Variants in LARGE1 observed in about 807,000 individuals in gnomAD.
The protein encoded by LARGE1 is LARGE xylosyl- and glucuronyltransferase 1.
Under a neutral mutation model 87.6 loss-of-function variants are expected in LARGE1, and 43 were observed. The observed-to-expected ratio is 0.49, with a 90% CI of 0.38 to 0.63. The LOEUF is 0.63. LARGE1 is among the 30% of genes least tolerant of loss of function. LARGE1 has a pLI of 0.00. For missense variants in LARGE1, 802 were observed against 1,000.2 expected (o/e 0.80, Z 2.67); for synonymous variants, 434 against 394.6 (o/e 1.10, Z -1.18).
chr22:33,335,592 T>C (rs1217456056), intron 10 of LARGE1, among the ~76,000 whole-genome samples: 2 of 152,080 alleles, frequency 1.3e-5, no homozygotes, highest in African/African-American at 2.4e-5. Context: ...CAACAATAAA[T>C]CAAAATTCTG....
At chr22:33,892,208 C>T (rs968151623) in intron 1 of LARGE1, among the ~76,000 whole-genome samples, 9 of 152,124 alleles carry the variant, frequency 5.9e-5, no homozygotes, top group Non-Finnish European at 1.2e-4. Flanking sequence ...AGGCAACGAT[C>T]ACTTATTTCT....
At chr22:33,366,063 T>C (rs939079322) in intron 9 of LARGE1, among the ~76,000 whole-genome samples, 1 of 152,260 alleles carries the variant, frequency 6.6e-6, no homozygotes, top group African/African-American at 2.4e-5. Flanking sequence ...GTTTCCCTTT[T>C]CATTTAAAAA....
At chr22:33,825,787 T>C (rs2062764740) in intron 1 of LARGE1, among the ~76,000 whole-genome samples, 1 of 152,098 alleles carries the variant, frequency 6.6e-6, no homozygotes, top group Non-Finnish European at 1.5e-5. Context: ...CCACTGTGGC[T>C]TTTTCCCACT....
Position 33,337,590 on chromosome 22 carries a change from T to C in LARGE1, c.1287+56A>G, listed in dbSNP as rs112252346. Reference sequence around the variant, plus strand: ...ATAGAGCCTGGCATGGGGGAGGTCCTTGATGGATGAGCAGAGAAGCCGCCC... The same window carrying C: ...ATAGAGCCTGGCATGGGGGAGGTCCCTGATGGATGAGCAGAGAAGCCGCCC... On this transcript the variant is annotated intron_variant, in intron 10 of 14. Coordinates refer to ENST00000397394, the MANE Select transcript of LARGE1 (RefSeq NM_133642.5). 2,271 of 1,606,596 alleles carry C rather than the reference T, an allele frequency of 1.4e-3. 21 individuals are homozygous for C. In the African/African-American group the frequency reaches 0.022, roughly 16 times the overall value.
the LARGE1 span, among the ~76,000 whole-genome samples, chr22:33,067,530 A>T: frequency 1.3e-5 from 2 of 152,156 alleles, no homozygotes; most frequent in African/African-American, 4.8e-5. Context: ...ACACTTTAAG[A>T]TAGATATTAA....
chr22:33,680,167 C>T (rs1284773100), intron 2 of LARGE1, among the ~76,000 whole-genome samples: 2 of 152,104 alleles, frequency 1.3e-5, no homozygotes, highest in East Asian at 3.9e-4. Context: ...AGTCTGTGAA[C>T]ACTGATGAAG....
intron 11 of LARGE1, among the ~76,000 whole-genome samples, chr22:33,225,604 CAGGTT>C (rs1468022184): frequency 2.0e-5 from 3 of 151,654 alleles, no homozygotes; most frequent in Non-Finnish European, 4.4e-5. Flanking sequence ...GGTACATGTG[CAGGTT>C]TGTTATACAG....
intron 11 of LARGE1, among the ~76,000 whole-genome samples, chr22:33,249,261 T>C (rs1926907699): frequency 6.6e-6 from 1 of 152,226 alleles, no homozygotes; most frequent in South Asian, 2.1e-4. Context: ...GGCATATCAT[T>C]GTTGTTTTAA....
rs543173381 is a variant in LARGE1 at position 33,486,127 on chromosome 22, G to A, written c.788-53862C>T. 3.9e-5 allele frequency among the ~76,000 whole-genome samples: 6 copies of A among 152,340 alleles called. No homozygotes were observed. The East Asian group carries it at 7.7e-4, about 20-fold the overall frequency. Reference sequence around the variant, plus strand: ...AAAGATATTCTGAGACTTGGCTCTCGTGTCAGCTCTGCTGCTAACTCTCTG... The same window carrying A: ...AAAGATATTCTGAGACTTGGCTCTCATGTCAGCTCTGCTGCTAACTCTCTG... On this transcript the variant is annotated intron_variant, in intron 6 of 14. Coordinates refer to ENST00000397394, the MANE Select transcript of LARGE1 (RefSeq NM_133642.5).
At chr22:33,721,974 G>T (rs1326380162) in intron 2 of LARGE1, among the ~76,000 whole-genome samples, 3 of 152,196 alleles carry the variant, frequency 2.0e-5, no homozygotes, top group Admixed American at 2.0e-4. Flanking sequence ...TTTGTTGGCT[G>T]AGCGCAGTGG....
intron 5 of LARGE1, among the ~76,000 whole-genome samples, chr22:33,576,015 T>C (rs1308602581): frequency 6.6e-6 from 1 of 152,206 alleles, no homozygotes; most frequent in East Asian, 1.9e-4. Context: ...ACTGTTACAG[T>C]GGCTTAATTT....
intron 6 of LARGE1, among the ~76,000 whole-genome samples, chr22:33,459,445 T>C (rs912378109): frequency 5.2e-4 from 76 of 146,462 alleles, no homozygotes; most frequent in African/African-American, 1.4e-3. Context: ...CTCTCTCTTT[T>C]TTTTTTTTTT....
At chr22:33,688,028 G>A (rs1021110198) in intron 2 of LARGE1, among the ~76,000 whole-genome samples, 1 of 152,122 alleles carries the variant, frequency 6.6e-6, no homozygotes, top group Non-Finnish European at 1.5e-5. Context: ...GCTCAAAGAG[G>A]TGATGAAACT....
At chr22:33,561,479 G>A (rs2077859098) in intron 6 of LARGE1, among the ~76,000 whole-genome samples, 1 of 152,204 alleles carries the variant, frequency 6.6e-6, no homozygotes, top group Admixed American at 6.5e-5. Context: ...CTCGTGAGAA[G>A]CATACCATAC....
chr22:33,425,982 G>A (rs1321838964), intron 7 of LARGE1, among the ~76,000 whole-genome samples: 1 of 152,082 alleles, frequency 6.6e-6, no homozygotes, highest in Non-Finnish European at 1.5e-5. Flanking sequence ...TCCTGACCTT[G>A]TGATCCACCC....
chr22:33,451,827 G>T (rs1389196843), intron 6 of LARGE1, among the ~76,000 whole-genome samples: 1 of 152,086 alleles, frequency 6.6e-6, no homozygotes, highest in East Asian at 1.9e-4. Flanking sequence ...AAAGTGTTGG[G>T]ATTACAGGCG....
the LARGE1 span, among the ~76,000 whole-genome samples, chr22:33,103,944 G>A: frequency 9.2e-5 from 14 of 152,188 alleles, no homozygotes; most frequent in African/African-American, 3.4e-4. Flanking sequence ...CTGCCACCAT[G>A]TAAGAAGTGC....
At chr22:33,345,513 G>A (rs1939645901) in intron 9 of LARGE1, among the ~76,000 whole-genome samples, 1 of 152,216 alleles carries the variant, frequency 6.6e-6, no homozygotes, top group Admixed American at 6.5e-5. Flanking sequence ...GAGAGAGGGA[G>A]GCATGGAAGT....
At chr22:33,441,063 T>C (rs1377562428) in intron 6 of LARGE1, among the ~76,000 whole-genome samples, 2 of 146,640 alleles carry the variant, frequency 1.4e-5, no homozygotes, top group Non-Finnish European at 3.0e-5. Context: ...GCTGCTATTT[T>C]GTTTGAACTT....
Sources: gnomAD v4.1 joint callset for allele counts (sites outside exome capture counted in the v4.1 genomes callset) on GRCh38, gnomAD v4.1.1 for gene constraint, MANE v1.5 for transcripts, NCBI Gene and HGNC (gene_info 2026-07-23, HGNC 2026-07-21) for gene names.